The following INPP4B variants were observed in gnomAD, a reference collection of about 807,000 sequenced individuals.
INPP4B encodes inositol polyphosphate 4-phosphatase type II.
Under a neutral mutation model 122.5 loss-of-function variants are expected in INPP4B, and 55 were observed. The ratio of observed to expected loss-of-function variants is 0.45; its 90% CI spans 0.36 to 0.56. The LOEUF is 0.56. Ranked by LOEUF, INPP4B falls within the 20% of genes least tolerant of loss-of-function variation. INPP4B has a pLI of 0.00. For synonymous variants in INPP4B, 403 were observed against 388.7 expected (o/e 1.04, Z -0.43); for missense variants, 1,000 against 1,097.7 (o/e 0.91, Z 1.26).
At chr4:142,137,192 G>A (rs1459248479) in intron 18 of INPP4B, among the ~76,000 whole-genome samples, 1 of 151,948 alleles carries the variant, frequency 6.6e-6, no homozygotes, top group Non-Finnish European at 1.5e-5. Context: ...CATAGATATA[G>A]ATCAATGGAA....
At chr4:142,335,749 T>A (rs73850854) in intron 7 of INPP4B, among the ~76,000 whole-genome samples, 56 of 152,328 alleles carry the variant, frequency 3.7e-4, no homozygotes, top group African/African-American at 1.3e-3. Flanking sequence ...TTTATTTTTA[T>A]CAGAAAGAAA....
intron 1 of INPP4B, among the ~76,000 whole-genome samples, chr4:142,814,860 C>A (rs1352724081): frequency 6.6e-6 from 1 of 152,058 alleles, no homozygotes; most frequent in African/African-American, 2.4e-5. Flanking sequence ...GCATAAGTTC[C>A]CCCATTCCCA....
intron 1 of INPP4B, among the ~76,000 whole-genome samples, chr4:142,827,671 G>A (rs1216767547): frequency 6.6e-6 from 1 of 152,088 alleles, no homozygotes; most frequent in Non-Finnish European, 1.5e-5. Context: ...GGAAACTGAA[G>A]TAAAATGAAA....
At chr4:142,607,597 A>AT (rs1347852599) in intron 2 of INPP4B, among the ~76,000 whole-genome samples, 2 of 152,000 alleles carry the variant, frequency 1.3e-5, no homozygotes, top group Non-Finnish European at 2.9e-5. Flanking sequence ...ATATAACACT[A>AT]TTTTTTCCAG....
intron 7 of INPP4B, among the ~76,000 whole-genome samples, chr4:142,333,669 TG>T (rs1487396200): frequency 2.3e-4 from 35 of 152,314 alleles, no homozygotes; most frequent in African/African-American, 7.9e-4. Flanking sequence ...TTTTTATTTT[TG>T]TTTTTTTTGT....
chr4:142,124,584 C>T lies in INPP4B; in HGVS notation c.1893+4G>A, dbSNP rs1797933414. ...TTGTACTAACAATAACAACAGGCAC[C>T]TACTGCTTGGCTGAAGACGATGTCT... is the stretch of plus-strand genomic sequence containing the variant. On this transcript the variant is annotated splice_donor_region_variant and intron_variant, in intron 19 of 25. Transcript: ENST00000262992. 1 of 1,612,864 alleles carries T rather than the reference C, an allele frequency of 6.2e-7. No homozygotes were observed. Among genetic ancestry groups the T allele is most frequent in the African/African-American group, 1.3e-5 (1 of 74,976 alleles).
intron 15 of INPP4B, among the ~76,000 whole-genome samples, chr4:142,179,699 C>CT (rs1317506814): frequency 6.6e-6 from 1 of 152,096 alleles, no homozygotes; most frequent in African/African-American, 2.4e-5. Flanking sequence ...AATGAAACGT[C>CT]TTTTTTATGT....
At chr4:142,210,103 A>G (rs1420790708) in intron 12 of INPP4B, among the ~76,000 whole-genome samples, 3 of 152,194 alleles carry the variant, frequency 2.0e-5, no homozygotes, top group Admixed American at 6.5e-5. Flanking sequence ...CCTTTTACCA[A>G]CAACATTTTC....
intron 11 of INPP4B, among the ~76,000 whole-genome samples, chr4:142,249,996 G>A (rs1477184748): frequency 1.3e-5 from 2 of 152,128 alleles, no homozygotes; most frequent in East Asian, 3.9e-4. Context: ...AGATAAGTCT[G>A]CTTTTTAACA....
chr4:142,228,858 T>C (rs1228020235), intron 12 of INPP4B, among the ~76,000 whole-genome samples: 1 of 151,766 alleles, frequency 6.6e-6, no homozygotes, highest in East Asian at 1.9e-4. Flanking sequence ...TAAGCATTTA[T>C]GTGTATTTGT....
intron 7 of INPP4B, among the ~76,000 whole-genome samples, chr4:142,341,730 C>A (rs895245472): frequency 3.3e-5 from 5 of 152,144 alleles, no homozygotes; most frequent in African/African-American, 1.2e-4. Context: ...CTAGTGCCAG[C>A]AAACTGGTAC....
chr4:142,203,139 C>T (rs755434446), intron 14 of INPP4B, among the ~76,000 whole-genome samples: 18 of 152,096 alleles, frequency 1.2e-4, no homozygotes, highest in Admixed American at 3.3e-4. Context: ...CTGTGTCAGG[C>T]ACTGTGATCA....
Position 142,575,919 on chromosome 4 carries a change from A to C in INPP4B, c.-190-113193T>G, listed in dbSNP as rs72726463. On this transcript the variant is annotated intron_variant, in intron 2 of 25. Transcript: ENST00000262992. The stretch of plus-strand genomic sequence containing the variant: ...AGTAACTCAAGGTTCTGTGTGCAAA[A>C]CCACATATTGTCTGTGCTCAGGTTA... 2.7e-3 allele frequency among the ~76,000 whole-genome samples: 418 copies of C among 152,102 alleles called. 4 individuals carry two copies. The highest frequency in any genetic ancestry group is 5.3e-3 in the Non-Finnish European group (362 of 67,962).
intron 2 of INPP4B, among the ~76,000 whole-genome samples, chr4:142,589,410 A>G (rs750407540): frequency 6.6e-6 from 1 of 152,080 alleles, no homozygotes; most frequent in Non-Finnish European, 1.5e-5. Flanking sequence ...CTTATATCCA[A>G]AATATACAGA....
chr4:142,809,336 C>T (rs1204412146), intron 1 of INPP4B, among the ~76,000 whole-genome samples: 1 of 152,094 alleles, frequency 6.6e-6, no homozygotes, highest in East Asian at 1.9e-4. Flanking sequence ...AGTGCTAAAT[C>T]TTAATCCTGA....
rs1253522189 is a variant in INPP4B at position 142,036,665 on chromosome 4, T to C, written c.2643-7751A>G. 2.0e-5 allele frequency among the ~76,000 whole-genome samples: 3 copies of C among 151,896 alleles called. No homozygotes were observed. In the South Asian group the frequency reaches 6.2e-4, roughly 31 times the overall value. On this transcript the variant is annotated intron_variant, in intron 25 of 25. Transcript: ENST00000262992. The stretch of plus-strand genomic sequence containing the variant: ...GAAAAATCACTAAATTAAAAGGTTT[T>C]TGTTTTTGTTGTAGAGGGGCAGTTT...
At chr4:142,405,927 T>A (rs1162914352) in intron 5 of INPP4B, among the ~76,000 whole-genome samples, 2 of 152,020 alleles carry the variant, frequency 1.3e-5, no homozygotes, top group Non-Finnish European at 2.9e-5. Context: ...CTGGAGGAGA[T>A]GGGTTAATTC....
chr4:142,604,833 AC>A (rs1740873731), intron 2 of INPP4B, among the ~76,000 whole-genome samples: 1 of 152,122 alleles, frequency 6.6e-6, no homozygotes, highest in South Asian at 2.1e-4. Flanking sequence ...CTATCAAAAC[AC>A]CAATGTCATT....
chr4:142,630,702 T>C (rs1747740298), intron 2 of INPP4B, among the ~76,000 whole-genome samples: 1 of 152,080 alleles, frequency 6.6e-6, no homozygotes, highest in South Asian at 2.1e-4. Context: ...GGAGCTACTT[T>C]TCTGAGAAAT....
Sources: gnomAD v4.1 joint callset for allele counts (sites outside exome capture counted in the v4.1 genomes callset) on GRCh38, gnomAD v4.1.1 for gene constraint, MANE v1.5 for transcripts, NCBI Gene and HGNC (gene_info 2026-07-23, HGNC 2026-07-21) for gene names.